Variants in ADI1 observed in about 807,000 individuals in gnomAD.
ADI1 encodes the protein acireductone dioxygenase.
Under a neutral mutation model 18.7 loss-of-function variants are expected in ADI1, and 21 were observed. The ratio of observed to expected loss-of-function variants is 1.13; its 90% CI spans 0.80 to 1.62. ADI1 has a LOEUF of 1.62. ADI1 is among the 40% of genes most tolerant of loss of function. The pLI, the probability that ADI1 is intolerant of heterozygous loss-of-function variation, is 0.00. For missense variants in ADI1, 245 were observed against 254.9 expected, an observed-to-expected ratio of 0.96 and a Z score of 0.26; for synonymous variants, 90 against 100.1, an observed-to-expected ratio of 0.90 and a Z score of 0.60.
At chr2:3,503,157 T>G (rs1667064554) in intron 2 of ADI1, among the ~76,000 whole-genome samples, 1 of 146,286 alleles carries the variant, frequency 6.8e-6, no homozygotes, top group South Asian at 2.4e-4. Flanking sequence ...ACGTACACGC[T>G]CTCACATGCG....
chr2:3,509,566 CA>C (rs1667250921), intron 2 of ADI1, among the ~76,000 whole-genome samples: 1 of 151,870 alleles, frequency 6.6e-6, no homozygotes, highest in South Asian at 2.1e-4. Flanking sequence ...TATCTAAAAA[CA>C]AAACAAAACA....
intron 2 of ADI1, among the ~76,000 whole-genome samples, chr2:3,507,711 A>G (rs1217730532): frequency 6.6e-6 from 1 of 152,250 alleles, no homozygotes; most frequent in Non-Finnish European, 1.5e-5. Flanking sequence ...GATCTAAGTA[A>G]AGTGGAAAGA....
rs1262496603 is a variant in ADI1, at chr2:3,498,440, C to G, written c.*523G>C. 1.3e-5 allele frequency: 2 copies of G among 152,264 alleles called. No homozygotes were observed. Among genetic ancestry groups the G allele is most frequent in the Admixed American group, 1.3e-4 (2 of 15,272 alleles). The allele number at this position is 152,264 out of a possible 1,614,324, so 9.4% of individuals were successfully genotyped here. A position where few individuals can be genotyped will look rare whatever the true frequency, so the allele number is the denominator to read the frequency against. On this transcript the variant is annotated 3_prime_UTR_variant, in exon 4 of 4. Transcript: ENST00000327435. ...CATATACCTGAATATAAGGTAACTC[C>G]AAGCCATGAGTATAAGATTAAGGCA...
intron 2 of ADI1, among the ~76,000 whole-genome samples, chr2:3,505,292 C>G (rs1406098478): frequency 6.6e-6 from 1 of 152,036 alleles, no homozygotes; most frequent in Non-Finnish European, 1.5e-5. Flanking sequence ...ACTGGAGAGA[C>G]AGGCAGACAG....
At chr2:3,507,090 G>T (rs180833780) in intron 2 of ADI1, among the ~76,000 whole-genome samples, 1 of 152,328 alleles carries the variant, frequency 6.6e-6, no homozygotes, top group African/African-American at 2.4e-5. Context: ...ATAAAGGAAA[G>T]AAGTTTAATT....
At chr2:3,501,636 C>T (rs1235575194) in intron 2 of ADI1, among the ~76,000 whole-genome samples, 2 of 151,754 alleles carry the variant, frequency 1.3e-5, no homozygotes, top group African/African-American at 2.4e-5. Flanking sequence ...CCGATTCAAG[C>T]GATTCTCGTG....
intron 2 of ADI1, among the ~76,000 whole-genome samples, chr2:3,513,137 C>T (rs963336506): frequency 3.9e-5 from 6 of 152,174 alleles, no homozygotes; most frequent in South Asian, 4.1e-4. Context: ...TGCCTTTACC[C>T]GCTTTGTATC....
chr2:3,515,086 T>A (rs1261098615), intron 1 of ADI1: 1 of 329,114 alleles, frequency 3.0e-6, no homozygotes, highest in Non-Finnish European at 5.3e-6. Flanking sequence ...CAGTACACCT[T>A]AAAAAATAAA....
chr2:3,498,776 CTT>C lies in ADI1; in HGVS notation c.*185_*186del, dbSNP rs1383624699. On this transcript the variant is annotated 3_prime_UTR_variant, in exon 4 of 4. Transcript: ENST00000327435. The stretch of plus-strand genomic sequence containing the variant: ...TGAGTTACAGAAAATGAAGGTGACT[CTT>C]TACACTTCCAAGTTGCTTTCTAGAT... 4.1e-5 allele frequency: 38 copies of C among 935,898 alleles called. No individual in the cohort carries two copies. The highest frequency in any genetic ancestry group is 3.6e-4 in the Middle Eastern group (1 of 2,790). The allele number at this position is 935,898 out of a possible 1,614,324, so 58.0% of individuals were successfully genotyped here. A position where few individuals can be genotyped will look rare whatever the true frequency, so the allele number is the denominator to read the frequency against.
intron 2 of ADI1, among the ~76,000 whole-genome samples, chr2:3,501,453 C>T (rs1024959938): frequency 6.6e-6 from 1 of 152,214 alleles, no homozygotes; most frequent in Admixed American, 6.5e-5. Context: ...TCACAACACA[C>T]AGGGTGAGTG....
chr2:3,511,506 A>G (rs1667293917), intron 2 of ADI1, among the ~76,000 whole-genome samples: 1 of 152,190 alleles, frequency 6.6e-6, no homozygotes, highest in Non-Finnish European at 1.5e-5. Context: ...CCAGAAGCAG[A>G]TGGTGGTGAC....
At chr2:3,518,999 C>CCAT (rs1667494040) in intron 1 of ADI1, among the ~76,000 whole-genome samples, 2 of 151,942 alleles carry the variant, frequency 1.3e-5, no homozygotes, top group African/African-American at 4.8e-5. Context: ...ACCAGCCCCG[C>CCAT]TGCTGAGCAT....
In ADI1 at chr2:3,519,525, C is replaced by T; in HGVS notation, c.-38G>A. On this transcript the variant is annotated 5_prime_UTR_variant, in exon 1 of 4. Coordinates refer to ENST00000327435, the MANE Select transcript of ADI1 (RefSeq NM_018269.4). ...GGGTGCCGTGTTCGAACCCAGGGGC[C>T]GCGCTCGGAGCCCGTCGGCCGCGCT... 1 of 1,254,136 alleles carries T rather than the reference C, an allele frequency of 8.0e-7. No individual in the cohort carries two copies. The highest frequency in any genetic ancestry group is 1.0e-6 in the Non-Finnish European group (1 of 997,888). 77.7% of individuals were successfully genotyped at this position (1,254,136 alleles called of 1,614,324 possible). A position where few individuals can be genotyped will look rare whatever the true frequency, so the allele number is the denominator to read the frequency against.
At chr2:3,508,211 T>C (rs1172975205) in intron 2 of ADI1, among the ~76,000 whole-genome samples, 4 of 151,638 alleles carry the variant, frequency 2.6e-5, no homozygotes, top group Non-Finnish European at 5.9e-5. Context: ...GGCAGGTGCC[T>C]GTAGTCCCAG....
At position 3,512,908 on chromosome 2, in the gene ADI1, T is replaced by C. The variant is rs575684594; in HGVS notation, c.240+949A>G. 2.0e-5 allele frequency among the ~76,000 whole-genome samples: 3 copies of C among 152,266 alleles called. No homozygotes were observed. The South Asian group carries it at 6.2e-4, about 32-fold the overall frequency. ...TCAAAGCCATCCCATGAGAGCAACCTCAGGAGCCCCTGCAAAGCCACAGGG... is the reference window on the plus strand; with the variant it reads ...TCAAAGCCATCCCATGAGAGCAACCCCAGGAGCCCCTGCAAAGCCACAGGG... On this transcript the variant is annotated intron_variant, in intron 2 of 3. Transcript: ENST00000327435.
chr2:3,516,964 CA>C (rs1173141865), intron 1 of ADI1: 1 of 982,618 alleles, frequency 1.0e-6, no homozygotes, highest in Non-Finnish European at 1.2e-6. Context: ...TGGCTTCAGG[CA>C]ATCTGCCGCC....
At chr2:3,504,821 T>C (rs1667137389) in intron 2 of ADI1, among the ~76,000 whole-genome samples, 1 of 152,226 alleles carries the variant, frequency 6.6e-6, no homozygotes, top group South Asian at 2.1e-4. Context: ...GTTTCTATTG[T>C]TGGCTCACCT....
At chr2:3,505,675 C>T (rs979660789) in intron 2 of ADI1, among the ~76,000 whole-genome samples, 22 of 152,180 alleles carry the variant, frequency 1.4e-4, no homozygotes, top group East Asian at 3.9e-4. Flanking sequence ...AAGGGAAACA[C>T]GAAACTCCAG....
intron 2 of ADI1, among the ~76,000 whole-genome samples, chr2:3,502,034 CACACACACAG>C (rs796228673): frequency 0.025 from 2,107 of 85,556 alleles, 33 homozygotes; most frequent in South Asian, 0.096. Context: ...CACACACACA[CACACACACAG>C]AGACAGGGTT....
Sources: gnomAD v4.1 joint callset for allele counts (sites outside exome capture counted in the v4.1 genomes callset) on GRCh38, gnomAD v4.1.1 for gene constraint, MANE v1.5 for transcripts, NCBI Gene and HGNC (gene_info 2026-07-23, HGNC 2026-07-21) for gene names.